The following RUNDC3B variants were observed in gnomAD, a reference collection of about 807,000 sequenced individuals.
RUNDC3B encodes the protein RUN domain-containing protein 3B.
A neutral mutation model predicts 58.4 loss-of-function variants in RUNDC3B; 33 were observed. The observed-to-expected ratio is 0.56, with a 90% CI of 0.43 to 0.75. RUNDC3B has a LOEUF of 0.75. RUNDC3B is among the 30% of genes least tolerant of loss of function. RUNDC3B has a pLI of 0.00. For missense variants in RUNDC3B, 501 were observed against 535.7 expected (o/e 0.94, Z 0.64); for synonymous variants, 193 against 195.2 (o/e 0.99, Z 0.10).
rs1397090770 is a variant in RUNDC3B, at chr7:87,700,489, A to G, written c.307A>G (p.Lys103Glu). 4 of 1,613,690 alleles carry G rather than the reference A, an allele frequency of 2.5e-6. No homozygotes were observed. The highest frequency in any genetic ancestry group is 3.4e-6 in the Non-Finnish European group (4 of 1,179,774). ...GGACTATATCAGAGTGGCTTGCCGG[A>G]AAGTTTCACAGAATTGTATCTGCAG... The part of the protein sequence containing the change: ...FWDYIRVACR[K>E]VSQNCICSIE... Residue 103 changes from lysine (K) to glutamate (E), a missense_variant, in exon 3 of 11, where the codon AAA becomes GAA. Physicochemically the swap from Lys to Glu is moderately conservative, Grantham distance 56. Coordinates refer to ENST00000394654, the MANE Select transcript of RUNDC3B (RefSeq NM_001134405.2).
intron 3 of RUNDC3B, chr7:87,709,524 G>A (rs951295247): frequency 2.0e-6 from 2 of 985,124 alleles, no homozygotes; most frequent in Non-Finnish European, 2.4e-6. Flanking sequence ...AAATTGACTC[G>A]CATGCTAACC....
chr7:87,804,405 T>TA (rs1242717914), intron 8 of RUNDC3B, among the ~76,000 whole-genome samples: 2 of 152,162 alleles, frequency 1.3e-5, no homozygotes, highest in Middle Eastern at 3.2e-3. Flanking sequence ...TTAAAATCCA[T>TA]ATAAAGAGAT....
chr7:87,776,538 G>T (rs1834640283), intron 7 of RUNDC3B, among the ~76,000 whole-genome samples: 2 of 151,880 alleles, frequency 1.3e-5, no homozygotes, highest in Admixed American at 1.3e-4. Context: ...ACAAATCTAG[G>T]ATATTGTTAC....
intron 6 of RUNDC3B, among the ~76,000 whole-genome samples, chr7:87,750,273 T>A (rs1832890570): frequency 6.6e-6 from 1 of 152,084 alleles, no homozygotes; most frequent in African/African-American, 2.4e-5. Flanking sequence ...TAATCCAGTC[T>A]ATCATTGTTG....
At chr7:87,802,166 C>T (rs907777739) in intron 8 of RUNDC3B, among the ~76,000 whole-genome samples, 5 of 151,924 alleles carry the variant, frequency 3.3e-5, no homozygotes, top group Admixed American at 1.3e-4. Context: ...CCAAGGTTGG[C>T]GGATCACTTG....
chr7:87,736,876 TATATA>T (rs1831992621), intron 4 of RUNDC3B, among the ~76,000 whole-genome samples: 2 of 36,928 alleles, frequency 5.4e-5, no homozygotes, highest in African/African-American at 2.4e-4. Context: ...TATATATATA[TATATA>T]TATATATATT....
chr7:87,711,513 G>A (rs549642420), intron 4 of RUNDC3B, among the ~76,000 whole-genome samples: 21 of 152,000 alleles, frequency 1.4e-4, no homozygotes, highest in Admixed American at 9.2e-4. Flanking sequence ...GTACATATTA[G>A]GACAACAGTC....
rs1249576399 is a variant in RUNDC3B, at chr7:87,770,601, A to G, written c.650A>G (p.Asp217Gly). The G allele has an allele frequency of 1.9e-6, 3 of 1,613,544 alleles. No individual in the cohort carries two copies. Among genetic ancestry groups the G allele is most frequent in the Non-Finnish European group, 2.5e-6 (3 of 1,179,644 alleles). Residue 217 changes from aspartate to glycine, a missense_variant, in exon 7 of 11, where the codon GAT becomes GGT. Asp to Gly is a moderately conservative substitution (Grantham distance 94, BLOSUM62 -1). Transcript: ENST00000394654. Reference protein sequence around the residue: ...YIQSSDSISSDEEELRTLGSS... With the variant: ...YIQSSDSISSGEEELRTLGSS... The stretch of plus-strand genomic sequence containing the variant: ...CCCAGTTCTGATAGTATCAGCAGTG[A>G]TGAGGAGGAGCTAAGGACTTTGGGA...
intron 2 of RUNDC3B, among the ~76,000 whole-genome samples, chr7:87,686,767 C>A (rs1340470183): frequency 1.3e-5 from 2 of 150,172 alleles, no homozygotes; most frequent in Non-Finnish European, 3.0e-5. Flanking sequence ...TGGTGAAACC[C>A]CGCCTCTAGA....
intron 1 of RUNDC3B, among the ~76,000 whole-genome samples, chr7:87,647,636 C>A (rs1823142749): frequency 6.6e-6 from 1 of 152,152 alleles, no homozygotes. Context: ...TAAGTAACAT[C>A]AGTCCTACAA....
At chr7:87,827,873 GA>G (rs1206932869) in intron 10 of RUNDC3B, among the ~76,000 whole-genome samples, 1 of 152,060 alleles carries the variant, frequency 6.6e-6, no homozygotes, top group African/African-American at 2.4e-5. Flanking sequence ...AGCTCATAAA[GA>G]AAACATAAGC....
At position 87,650,900 on chromosome 7, in the gene RUNDC3B, A is replaced by T. The variant is rs1435782212; in HGVS notation, c.201A>T (p.Ala67=). 1 of 1,612,714 alleles carries T rather than the reference A, an allele frequency of 6.2e-7. No individual in the cohort carries two copies. The highest frequency in any genetic ancestry group is 1.1e-5 in the South Asian group (1 of 91,054). Residue 67 remains alanine (A), a synonymous_variant, in exon 2 of 11, where the codon GCA becomes GCT. Coordinates refer to ENST00000394654, the MANE Select transcript of RUNDC3B (RefSeq NM_001134405.2). ...DDSSPEFNNF[A]AILEQILSHR... The stretch of plus-strand genomic sequence containing the variant: ...CTTCTCCTGAATTTAACAATTTTGC[A>T]GCTATTTTGGAACAGATTTTAAGCC...
chr7:87,770,011 G>A (rs530148736), intron 6 of RUNDC3B, among the ~76,000 whole-genome samples: 1 of 151,968 alleles, frequency 6.6e-6, no homozygotes, highest in Admixed American at 6.6e-5. Context: ...TGTGATAGAT[G>A]TTCTCTCTGC....
At chr7:87,805,211 A>C (rs1425263391) in intron 8 of RUNDC3B, among the ~76,000 whole-genome samples, 1 of 152,172 alleles carries the variant, frequency 6.6e-6, no homozygotes, top group African/African-American at 2.4e-5. Context: ...TTATTACTCT[A>C]AACAGACTCT....
At position 87,629,087 on chromosome 7, in the gene RUNDC3B, C is replaced by T. The variant is rs1820927071; in HGVS notation, c.122+142C>T. ...ATGTTGCGCCAGCCAAATCTGTGAG[C>T]GCGCAGCTCCTTGGACAGGGGCCCG... On this transcript the variant is annotated intron_variant, in intron 1 of 10. Transcript: ENST00000394654. 1.8e-5 allele frequency: 14 copies of T among 780,808 alleles called. No homozygotes were observed. In the Admixed American group the frequency reaches 2.2e-4, roughly 12 times the overall value. The allele number at this position is 780,808 out of a possible 1,614,324, so 48.4% of individuals were successfully genotyped here. A position where few individuals can be genotyped will look rare whatever the true frequency, so the allele number is the denominator to read the frequency against.
chr7:87,665,909 A>G (rs1244530925), intron 2 of RUNDC3B, among the ~76,000 whole-genome samples: 1 of 152,098 alleles, frequency 6.6e-6, no homozygotes, highest in Non-Finnish European at 1.5e-5. Context: ...TCCATGGCAT[A>G]TATGTATCAC....
intron 4 of RUNDC3B, among the ~76,000 whole-genome samples, chr7:87,726,528 T>C (rs111481881): frequency 2.0e-4 from 30 of 152,224 alleles, no homozygotes; most frequent in Non-Finnish European, 2.5e-4. Flanking sequence ...GGTAGTGTGA[T>C]GCCTCCAGCT....
chr7:87,664,555 A>G (rs1429009244), intron 2 of RUNDC3B, among the ~76,000 whole-genome samples: 3 of 152,140 alleles, frequency 2.0e-5, no homozygotes, highest in African/African-American at 7.2e-5. Flanking sequence ...AATTCTGAGT[A>G]GAGAAATAAA....
intron 2 of RUNDC3B, among the ~76,000 whole-genome samples, chr7:87,679,127 C>T (rs1231246275): frequency 8.7e-6 from 1 of 115,332 alleles, no homozygotes; most frequent in East Asian, 2.8e-4. Context: ...GAGTCCCGCT[C>T]TTTCCCCCAG....
Sources: allele counts gnomAD v4.1 joint callset (sites outside exome capture counted in the v4.1 genomes callset), GRCh38; gene constraint gnomAD v4.1.1; transcripts MANE v1.5; gene names NCBI Gene and HGNC (gene_info 2026-07-23, HGNC 2026-07-21).